The following ROR1 variants were observed in gnomAD, a reference collection of about 807,000 sequenced individuals.
ROR1 encodes ROR family WNT receptor 1.
A neutral mutation model predicts 78.8 loss-of-function variants in ROR1; 19 were observed. That is an observed-to-expected ratio of 0.24 (90% CI 0.17 to 0.35). The LOEUF (loss-of-function observed/expected upper bound fraction) is 0.35, where lower values mean the gene tolerates loss of function less well. Among genes scored for constraint, ROR1 ranks in the 10% least tolerant of loss-of-function variants. The probability of loss-of-function intolerance (pLI) is 1.00; values close to 1 mark genes in which losing one functional copy is unlikely to be tolerated. For synonymous variants in ROR1, 386 were observed against 433.6 expected, an observed-to-expected ratio of 0.89 and a Z score of 1.36; for missense variants, 917 against 1,177.8, an observed-to-expected ratio of 0.78 and a Z score of 3.24.
At chr1:64,125,354 A>T (rs899775803) in intron 4 of ROR1, among the ~76,000 whole-genome samples, 1 of 152,154 alleles carries the variant, frequency 6.6e-6, no homozygotes, top group African/African-American at 2.4e-5. Context: ...AATCTACAGG[A>T]GTGTCTTGCT....
At chr1:64,157,962 GA>G (rs1649821521) in intron 7 of ROR1, among the ~76,000 whole-genome samples, 1 of 152,154 alleles carries the variant, frequency 6.6e-6, no homozygotes. Context: ...TTCACACTTT[GA>G]GTTTTCTTAA....
intron 7 of ROR1, among the ~76,000 whole-genome samples, chr1:64,150,982 AC>A (rs1479670545): frequency 1.3e-4 from 20 of 152,300 alleles, no homozygotes; most frequent in African/African-American, 4.3e-4. Flanking sequence ...TGGTGTCTTA[AC>A]CTTTGCTGAC....
chr1:63,979,184 C>T (rs1461049980), intron 1 of ROR1, among the ~76,000 whole-genome samples: 1 of 151,964 alleles, frequency 6.6e-6, no homozygotes, highest in Non-Finnish European at 1.5e-5. Context: ...TGGGCCCAGC[C>T]AAGTTGATGC....
At chr1:64,098,280 C>T (rs570899453) in intron 4 of ROR1, among the ~76,000 whole-genome samples, 14 of 152,212 alleles carry the variant, frequency 9.2e-5, no homozygotes, top group African/African-American at 2.9e-4. Context: ...AGGTAGGCTC[C>T]CTGCCAACTC....
At chr1:63,786,240 CGCTG>C (rs1178883965) in intron 1 of ROR1, among the ~76,000 whole-genome samples, 1 of 145,496 alleles carries the variant, frequency 6.9e-6, no homozygotes, top group Non-Finnish European at 1.5e-5. Flanking sequence ...TCCCCCCTTA[CGCTG>C]GCTACAACTT....
chr1:64,033,488 T>A (rs1212258003), intron 2 of ROR1, among the ~76,000 whole-genome samples: 1 of 152,236 alleles, frequency 6.6e-6, no homozygotes, highest in East Asian at 1.9e-4. Flanking sequence ...TCTAAGTTGA[T>A]ACTTAACATA....
chr1:63,823,952 T>G (rs1034859631), intron 1 of ROR1, among the ~76,000 whole-genome samples: 25 of 152,108 alleles, frequency 1.6e-4, no homozygotes, highest in Non-Finnish European at 2.9e-4. Flanking sequence ...TTCACCATGT[T>G]GGCCAGGCTG....
rs1650514486 is a variant in ROR1 at position 64,180,275 on chromosome 1, AC to A, written c.*1421del. 1 of 152,052 alleles carries A rather than the reference AC, an allele frequency of 6.6e-6. No homozygotes were observed. The highest frequency in any genetic ancestry group is 1.9e-4 in the East Asian group (1 of 5,196). The allele number at this position is 152,052 out of a possible 1,614,324, so 9.4% of individuals were successfully genotyped here. ...TTGATTTTTCTCTTGTTAAAAAAAA[AC>A]TCCTTTATTCTAAGAACAATGTCTC... On this transcript the variant is annotated 3_prime_UTR_variant, in exon 9 of 9. Transcript: ENST00000371079.
intron 1 of ROR1, among the ~76,000 whole-genome samples, chr1:63,944,971 T>A (rs929623748): frequency 6.6e-6 from 1 of 152,154 alleles, no homozygotes; most frequent in Non-Finnish European, 1.5e-5. Flanking sequence ...GTTAAAAAAA[T>A]ACCTTTTGTC....
At chr1:63,961,919 C>T (rs61091736) in intron 1 of ROR1, among the ~76,000 whole-genome samples, 21,941 of 152,102 alleles carry the variant, frequency 0.14, 2,027 homozygotes, top group African/African-American at 0.26. Context: ...GATCACTATG[C>T]ATTGTGTACA....
intron 2 of ROR1, among the ~76,000 whole-genome samples, chr1:64,036,995 C>T (rs1465054451): frequency 6.6e-6 from 1 of 152,190 alleles, no homozygotes; most frequent in African/African-American, 2.4e-5. Flanking sequence ...AAGAGATGTC[C>T]AAGAGCTTCT....
chr1:63,864,178 C>G (rs932760006), intron 1 of ROR1, among the ~76,000 whole-genome samples: 2 of 152,140 alleles, frequency 1.3e-5, no homozygotes, highest in African/African-American at 4.8e-5. Flanking sequence ...AAAACTTATT[C>G]AAGATTACAC....
intron 4 of ROR1, among the ~76,000 whole-genome samples, chr1:64,066,141 A>G (rs1646953906): frequency 1.3e-5 from 2 of 152,066 alleles, no homozygotes; most frequent in Non-Finnish European, 2.9e-5. Flanking sequence ...CTTGTCTTCT[A>G]CTCATTATTC....
intron 1 of ROR1, among the ~76,000 whole-genome samples, chr1:63,794,769 A>G (rs1358516249): frequency 6.6e-6 from 1 of 152,188 alleles, no homozygotes. Flanking sequence ...GGAACATATC[A>G]ATATGATGTA....
At chr1:63,824,071 G>T (rs1160702166) in intron 1 of ROR1, among the ~76,000 whole-genome samples, 3 of 152,126 alleles carry the variant, frequency 2.0e-5, no homozygotes, top group Non-Finnish European at 4.4e-5. Context: ...TTTAAGAAAA[G>T]ACATATTAAT....
chr1:63,920,092 C>T (rs148022068), intron 1 of ROR1, among the ~76,000 whole-genome samples: 2,779 of 152,206 alleles, frequency 0.018, 57 homozygotes, highest in Non-Finnish European at 0.023. Context: ...GTAAAAATAG[C>T]TCAGTAAACC....
intron 1 of ROR1, among the ~76,000 whole-genome samples, chr1:63,776,009 T>C (rs1644614411): frequency 6.6e-6 from 1 of 152,180 alleles, no homozygotes; most frequent in Non-Finnish European, 1.5e-5. Context: ...GGGTGAAAAG[T>C]AAAAATGGGC....
intron 1 of ROR1, among the ~76,000 whole-genome samples, chr1:63,865,798 T>G (rs1478238422): frequency 6.6e-6 from 1 of 152,188 alleles, no homozygotes; most frequent in Non-Finnish European, 1.5e-5. Flanking sequence ...CGCTTGTGAC[T>G]GAATCAGAGG....
rs1646754606 is a variant in ROR1, at chr1:64,042,750, T to G, written c.164-6941T>G. On this transcript the variant is annotated intron_variant, in intron 2 of 8. Transcript: ENST00000371079. ...TGAACTCAAGAATGTGCAAGCTGAT[T>G]TAGATTATGCTTTGCATTGAGTTTA... 2.0e-5 allele frequency among the ~76,000 whole-genome samples: 3 copies of G among 152,160 alleles called. No homozygotes were observed. In the South Asian group the frequency reaches 6.2e-4, roughly 32 times the overall value.
Sources: gnomAD v4.1 joint callset for allele counts (sites outside exome capture counted in the v4.1 genomes callset) on GRCh38, gnomAD v4.1.1 for gene constraint, MANE v1.5 for transcripts, NCBI Gene and HGNC (gene_info 2026-07-23, HGNC 2026-07-21) for gene names.